Variants in RPS6KC1 observed in about 807,000 individuals in gnomAD.
RPS6KC1 encodes inactive ribosomal protein S6 kinase delta-1.
Under a neutral mutation model 103.8 loss-of-function variants are expected in RPS6KC1, and 54 were observed. The ratio of observed to expected loss-of-function variants is 0.52; its 90% CI spans 0.42 to 0.65. The LOEUF (loss-of-function observed/expected upper bound fraction) is 0.65, where lower values mean the gene tolerates loss of function less well. Among genes scored for constraint, RPS6KC1 ranks in the 30% least tolerant of loss-of-function variants. The probability of loss-of-function intolerance (pLI) is 0.00; values close to 1 mark genes in which losing one functional copy is unlikely to be tolerated. For synonymous variants in RPS6KC1, 439 were observed against 438.7 expected (o/e 1.00, Z -0.01); for missense variants, 1,151 against 1,253.8 (o/e 0.92, Z 1.24).
the RPS6KC1 span, among the ~76,000 whole-genome samples, chr1:213,661,810 CCA>C: frequency 1.3e-5 from 2 of 152,086 alleles, no homozygotes; most frequent in Non-Finnish European, 2.9e-5. Flanking sequence ...GCAATTTATG[CCA>C]GTTTATGAGG....
At chr1:213,827,655 C>T in the RPS6KC1 span, among the ~76,000 whole-genome samples, 14 of 152,160 alleles carry the variant, frequency 9.2e-5, no homozygotes, top group Non-Finnish European at 1.5e-4. Context: ...CTTCAAGAAT[C>T]ACCATCTAGA....
chr1:213,308,522 T>A, the RPS6KC1 span, among the ~76,000 whole-genome samples: 1 of 152,198 alleles, frequency 6.6e-6, no homozygotes, highest in Non-Finnish European at 1.5e-5. Flanking sequence ...TTATAATATA[T>A]ACAACCATAT....
At chr1:213,535,449 G>C in the RPS6KC1 span, among the ~76,000 whole-genome samples, 2 of 152,192 alleles carry the variant, frequency 1.3e-5, no homozygotes, top group Non-Finnish European at 1.5e-5. Flanking sequence ...TCTAAGTCTA[G>C]AGACATGTAT....
the RPS6KC1 span, among the ~76,000 whole-genome samples, chr1:213,588,874 C>T: frequency 3.9e-5 from 6 of 152,220 alleles, no homozygotes; most frequent in South Asian, 2.1e-4. Flanking sequence ...GAATGACACA[C>T]GTGAACCTTG....
At chr1:213,562,700 G>T in the RPS6KC1 span, among the ~76,000 whole-genome samples, 1 of 151,776 alleles carries the variant, frequency 6.6e-6, no homozygotes, top group Non-Finnish European at 1.5e-5. Flanking sequence ...GTCTCACTCT[G>T]TCACCCTGGC....
intron 12 of RPS6KC1, among the ~76,000 whole-genome samples, chr1:213,260,955 A>G (rs2094778425): frequency 6.6e-6 from 1 of 152,222 alleles, no homozygotes; most frequent in Non-Finnish European, 1.5e-5. Flanking sequence ...GCTTAAAACA[A>G]TATATCTATC....
At chr1:213,311,437 C>T in the RPS6KC1 span, among the ~76,000 whole-genome samples, 46,432 of 152,006 alleles carry the variant, frequency 0.31, 7,268 homozygotes, top group Middle Eastern at 0.4. Context: ...CGTGCCTGGC[C>T]GGCAGTGCTC....
the RPS6KC1 span, among the ~76,000 whole-genome samples, chr1:213,788,147 T>C: frequency 4.6e-5 from 7 of 152,266 alleles, no homozygotes; most frequent in East Asian, 3.9e-4. Flanking sequence ...TAACAGCACA[T>C]TGGGGGTCAT....
chr1:213,722,799 G>A, the RPS6KC1 span, among the ~76,000 whole-genome samples: 3 of 152,288 alleles, frequency 2.0e-5, no homozygotes, highest in Non-Finnish European at 4.4e-5. Context: ...CTGCCATTTC[G>A]AGTAAAGAAA....
At chr1:213,494,405 C>T in the RPS6KC1 span, among the ~76,000 whole-genome samples, 2 of 151,910 alleles carry the variant, frequency 1.3e-5, no homozygotes, top group Non-Finnish European at 2.9e-5. Context: ...AAAGCAAAGT[C>T]TGCAGGATGA....
rs138897410 is a variant in RPS6KC1, at chr1:213,193,447, A to G, written c.1044+16955A>G. Among the ~76,000 whole-genome samples, 3 of 151,690 alleles carry G rather than the reference A, an allele frequency of 2.0e-5. No homozygotes were observed. In the East Asian group the frequency reaches 5.9e-4, roughly 30 times the overall value. On this transcript the variant is annotated intron_variant, in intron 8 of 14. Transcript: ENST00000366960. ...CTAATTAATTTTGTATTTTTAGTAG[A>G]AATGAGGTTTTACCACATTGGTCAG...
At chr1:213,532,125 C>T in the RPS6KC1 span, among the ~76,000 whole-genome samples, 1 of 152,182 alleles carries the variant, frequency 6.6e-6, no homozygotes, top group African/African-American at 2.4e-5. Context: ...CCCCCTTCTG[C>T]AGGCTGCCCA....
chr1:213,532,926 A>G, the RPS6KC1 span, among the ~76,000 whole-genome samples: 20,282 of 152,150 alleles, frequency 0.13, 2,153 homozygotes, highest in East Asian at 0.29. Flanking sequence ...AGTGTGTCCC[A>G]GGAGCAACTA....
chr1:213,147,270 A>C (rs1366218447), intron 6 of RPS6KC1, among the ~76,000 whole-genome samples: 2 of 152,168 alleles, frequency 1.3e-5, no homozygotes, highest in African/African-American at 4.8e-5. Context: ...ATCTTTTCCC[A>C]AACCAATATC....
chr1:213,452,071 G>A, the RPS6KC1 span, among the ~76,000 whole-genome samples: 108 of 152,334 alleles, frequency 7.1e-4, no homozygotes, highest in African/African-American at 2.5e-3. Flanking sequence ...TGATTTTTCA[G>A]TAAAACTGCA....
At chr1:213,116,889 C>A (rs531968718) in intron 4 of RPS6KC1, among the ~76,000 whole-genome samples, 9 of 150,668 alleles carry the variant, frequency 6.0e-5, no homozygotes, top group African/African-American at 2.2e-4. Context: ...CCCCCACTCT[C>A]TTCTGGCTTG....
the RPS6KC1 span, among the ~76,000 whole-genome samples, chr1:213,636,202 T>A: frequency 6.6e-6 from 1 of 152,134 alleles, no homozygotes; most frequent in African/African-American, 2.4e-5. Flanking sequence ...CCCAAGGTAA[T>A]TCATAGATTC....
At chr1:213,768,439 T>C in the RPS6KC1 span, among the ~76,000 whole-genome samples, 17 of 152,268 alleles carry the variant, frequency 1.1e-4, no homozygotes, top group African/African-American at 4.1e-4. Context: ...GGAAGGGGAA[T>C]TTATCACAAG....
the RPS6KC1 span, among the ~76,000 whole-genome samples, chr1:213,282,438 G>A: frequency 6.6e-6 from 1 of 152,226 alleles, no homozygotes; most frequent in Non-Finnish European, 1.5e-5. Context: ...AAAATGTTGA[G>A]ATAAAATCCT....
Sources: allele counts gnomAD v4.1 joint callset (sites outside exome capture counted in the v4.1 genomes callset), GRCh38; gene constraint gnomAD v4.1.1; transcripts MANE v1.5; gene names NCBI Gene and HGNC (gene_info 2026-07-23, HGNC 2026-07-21).